OR8B3: variants seen among roughly 807,000 people sequenced by gnomAD.
OR8B3 encodes the protein olfactory receptor 8B3.
For synonymous variants in OR8B3, 102 were observed against 135.4 expected (o/e 0.75, Z 1.71); for missense variants, 278 against 377.6 (o/e 0.74, Z 2.19).
chr11:124,404,005 C>T (rs958577536), upstream of OR8B3, among the ~76,000 whole-genome samples: 9 of 152,106 alleles, frequency 5.9e-5, no homozygotes, highest in African/African-American at 4.8e-5. Flanking sequence ...CCCAGGCACT[C>T]GGCAGGCTGA....
At chr11:124,399,939 C>T (rs1340697937), upstream of OR8B3, among the ~76,000 whole-genome samples, 1 of 150,774 alleles carries the variant, frequency 6.6e-6, no homozygotes, top group African/African-American at 2.5e-5. Flanking sequence ...CAGCTTACTG[C>T]AGCCTCAACC....
the OR8B3 span, chr11:124,404,536 A>G: frequency 1.3e-5 from 2 of 152,224 alleles, no homozygotes. Flanking sequence ...GTACATGTGC[A>G]ATTCTAGAGA....
chr11:124,399,828 A>G (rs778065030), upstream of OR8B3, among the ~76,000 whole-genome samples: 5 of 152,094 alleles, frequency 3.3e-5, no homozygotes, highest in East Asian at 1.9e-4. Flanking sequence ...AATCTATGCA[A>G]TTCTATCCCA....
chr11:124,398,338 A>C (rs1860927151), intron 1 of OR8B3, among the ~76,000 whole-genome samples: 1 of 152,260 alleles, frequency 6.6e-6, no homozygotes, highest in African/African-American at 2.4e-5. Context: ...TAAGAGAAAC[A>C]TAATTAATTT....
chr11:124,408,179 A>T, the OR8B3 span, among the ~76,000 whole-genome samples: 8 of 152,180 alleles, frequency 5.3e-5, no homozygotes, highest in African/African-American at 1.9e-4. Flanking sequence ...TTGTTTTGTA[A>T]TTTTTAAAAT....
intron 1 of OR8B3, among the ~76,000 whole-genome samples, chr11:124,397,588 G>A (rs1454575175): frequency 3.3e-5 from 5 of 151,894 alleles, no homozygotes; most frequent in African/African-American, 4.8e-5. Flanking sequence ...GTCCTTACTA[G>A]AAGACAGAGA....
the OR8B3 span, among the ~76,000 whole-genome samples, chr11:124,406,822 C>T: frequency 6.6e-6 from 1 of 151,782 alleles, no homozygotes; most frequent in South Asian, 2.1e-4. Flanking sequence ...CACACACACA[C>T]ACACACGCAC....
intron 1 of OR8B3, among the ~76,000 whole-genome samples, chr11:124,397,986 A>C (rs1419604676): frequency 6.6e-6 from 1 of 152,048 alleles, no homozygotes; most frequent in Admixed American, 6.6e-5. Context: ...TGAACCACCG[A>C]GCCTGGCCAC....
chr11:124,398,133 G>T lies in OR8B3; in HGVS notation c.-18+557C>A, dbSNP rs531262006. On this transcript the variant is annotated intron_variant, in intron 1 of 1. Coordinates refer to ENST00000641139, the MANE Select transcript of OR8B3 (RefSeq NM_001005467.2). ...TTTCCTAGACAGGGGTCTCCTATAG[G>T]GTTTCTAGATACCTTACTATAAGAA... 9.2e-5 allele frequency among the ~76,000 whole-genome samples: 14 copies of T among 152,240 alleles called. No individual in the cohort carries two copies. In the East Asian group the frequency reaches 2.5e-3, roughly 27 times the overall value.
the OR8B3 span, among the ~76,000 whole-genome samples, chr11:124,409,269 T>C: frequency 6.6e-6 from 1 of 152,224 alleles, no homozygotes; most frequent in Non-Finnish European, 1.5e-5. Flanking sequence ...CAGCGCTTAC[T>C]TTCATTTTTA....
At chr11:124,405,893 C>A in the OR8B3 span, among the ~76,000 whole-genome samples, 2 of 152,216 alleles carry the variant, frequency 1.3e-5, no homozygotes, top group Non-Finnish European at 1.5e-5. Context: ...CTGTACTCAG[C>A]ATTCTTACTT....
chr11:124,403,357 G>T (rs1210967754), upstream of OR8B3, among the ~76,000 whole-genome samples: 5 of 151,822 alleles, frequency 3.3e-5, no homozygotes, highest in Middle Eastern at 3.2e-3. Flanking sequence ...CCTCCCAGAC[G>T]GGGCGGCTGC....
Position 124,397,119 on chromosome 11 carries a change from G to A in OR8B3, c.233C>T (p.Thr78Ile), listed in dbSNP as rs774756584. Residue 78 changes from threonine to isoleucine, a missense_variant, in exon 2 of 2, where the codon ACT (threonine) becomes ATT (isoleucine). Coordinates refer to ENST00000641139, the MANE Select transcript of OR8B3 (RefSeq NM_001005467.2). The stretch of plus-strand genomic sequence containing the variant: ...TACAAAGTTCATTAGCATTTTGGGA[G>A]TGAAAACAGAGGAGTAACAGAGATC... ...FIDLCYSSVF[T>I]PKMLMNFVSK... 6.2e-7 allele frequency: 1 copy of A among 1,613,508 alleles called. No individual in the cohort carries two copies.
rs372873759 is a variant in OR8B3, at chr11:124,397,790, G to A, written c.-17-422C>T. On this transcript the variant is annotated intron_variant, in intron 1 of 1. Coordinates refer to ENST00000641139, the MANE Select transcript of OR8B3 (RefSeq NM_001005467.2). ...CGGCTCACTGCAACCTCTGCCTCCC[G>A]GGTTCAAGAGATTCTCCTGTCCAGC... 3.2e-3 allele frequency among the ~76,000 whole-genome samples: 486 copies of A among 151,162 alleles called. 3 individuals carry two copies. The highest frequency in any genetic ancestry group is 0.011 in the African/African-American group (458 of 41,142).
the OR8B3 span, chr11:124,404,516 A>G: frequency 6.6e-6 from 1 of 152,212 alleles, no homozygotes; most frequent in Non-Finnish European, 1.5e-5. Context: ...TATGTAACAG[A>G]CTTTTTAAAG....
At chr11:124,404,617 GT>G in the OR8B3 span, 1 of 152,170 alleles carries the variant, frequency 6.6e-6, no homozygotes, top group Non-Finnish European at 1.5e-5. Flanking sequence ...AATAATCGCT[GT>G]AATACAAGAA....
At chr11:124,401,222 C>CAG (rs3071311), upstream of OR8B3, among the ~76,000 whole-genome samples, 1,963 of 142,478 alleles carry the variant, frequency 0.014, 29 homozygotes, top group Middle Eastern at 0.025. Flanking sequence ...TGCAAAGAGA[C>CAG]AGAGAGAGAG....
the OR8B3 span, among the ~76,000 whole-genome samples, chr11:124,405,789 T>G: frequency 1.3e-5 from 2 of 152,258 alleles, no homozygotes; most frequent in Admixed American, 1.3e-4. Context: ...TTCTTTCCAT[T>G]GCAATTTCCT....
upstream of OR8B3, among the ~76,000 whole-genome samples, chr11:124,399,627 C>A (rs190777217): frequency 1.9e-3 from 283 of 152,216 alleles, 2 homozygotes; most frequent in African/African-American, 6.5e-3. Flanking sequence ...TTTAAAATTA[C>A]TAGAATCACA....
Sources: allele counts gnomAD v4.1 joint callset (sites outside exome capture counted in the v4.1 genomes callset), GRCh38; gene constraint gnomAD v4.1.1; transcripts MANE v1.5; gene names NCBI Gene and HGNC (gene_info 2026-07-23, HGNC 2026-07-21).